Variants in EMSY observed in about 807,000 individuals in gnomAD.
EMSY encodes EMSY transcriptional repressor, BRCA2 interacting, also known as BRCA2-interacting transcriptional repressor EMSY.
EMSY carries 26 observed loss-of-function variants against 134.6 expected under a neutral mutation model. The ratio of observed to expected loss-of-function variants is 0.19; its 90% CI spans 0.14 to 0.27. EMSY has a LOEUF of 0.27. Among genes scored for constraint, EMSY ranks in the 10% least tolerant of loss-of-function variants. The pLI is 1.00. For missense variants in EMSY, 1,305 were observed against 1,611.4 expected (o/e 0.81, Z 3.26); for synonymous variants, 579 against 577.8 (o/e 1.00, Z -0.03).
At chr11:76,510,789 C>G (rs911755826) in intron 9 of EMSY, among the ~76,000 whole-genome samples, 2 of 152,166 alleles carry the variant, frequency 1.3e-5, no homozygotes, top group Non-Finnish European at 2.9e-5. Context: ...AGAAGAAAAC[C>G]TTTCAACTGG....
intron 9 of EMSY, among the ~76,000 whole-genome samples, chr11:76,505,494 A>G (rs1273714987): frequency 6.6e-6 from 1 of 151,342 alleles, no homozygotes; most frequent in Non-Finnish European, 1.5e-5. Context: ...GATAAATACC[A>G]TATTCCAGAT....
chr11:76,456,983 C>T (rs1031206636), intron 4 of EMSY, among the ~76,000 whole-genome samples: 8 of 152,182 alleles, frequency 5.3e-5, no homozygotes, highest in African/African-American at 9.6e-5. Context: ...TTATTAGTTG[C>T]GTGACCTTAG....
rs376191123 is a variant in EMSY at position 76,463,547 on chromosome 11, C to T, written c.572-274C>T. ...CTGAGGCAGGAGAATGGCGTGAACC[C>T]GGGAAGCGGAGCTTGCGGTGAGCCG... On this transcript the variant is annotated intron_variant, in intron 6 of 20. Coordinates refer to ENST00000334736, the Ensembl canonical transcript of EMSY. Among the ~76,000 whole-genome samples the T allele has an allele frequency of 1.0e-2, 1,490 of 149,272 alleles. 27 individuals are homozygous for T. The highest frequency in any genetic ancestry group is 0.035 in the African/African-American group (1,411 of 40,288).
chr11:76,482,398 A>G (rs1178794962), intron 8 of EMSY, among the ~76,000 whole-genome samples: 1 of 152,232 alleles, frequency 6.6e-6, no homozygotes, highest in Non-Finnish European at 1.5e-5. Context: ...ACAGAGAATG[A>G]GTTTGATGAA....
chr11:76,523,372 T>C (rs962920097), intron 12 of EMSY, 81 bp downstream of exon 13: 2 of 1,476,622 alleles, frequency 1.4e-6, no homozygotes, highest in African/African-American at 1.4e-5. Flanking sequence ...CACAAGGACT[T>C]GAGAAGCCCA....
intron 1 of EMSY, among the ~76,000 whole-genome samples, chr11:76,445,374 G>T (rs1445787882): frequency 6.6e-6 from 1 of 152,154 alleles, no homozygotes; most frequent in Non-Finnish European, 1.5e-5. Context: ...GTATCCGCTG[G>T]CTTACTCTCT....
At position 76,467,893 on chromosome 11, in the gene EMSY, C is replaced by T. The variant is rs1042164002; in HGVS notation, c.831+3813C>T. Among the ~76,000 whole-genome samples, 7 of 151,428 alleles carry T rather than the reference C, an allele frequency of 4.6e-5. No individual in the cohort carries two copies. The East Asian group carries it at 7.8e-4, about 17-fold the overall frequency. ...ACTCGGTAGGCTGAGGCAGGAGAAT[C>T]GCTTGAACCCGGGAGACAGAGGTTG... On this transcript the variant is annotated intron_variant, in intron 7 of 20. Transcript: ENST00000334736.
intron 15 of EMSY, 32 bp downstream of exon 16, chr11:76,536,091 A>T (rs1321255933): frequency 3.5e-6 from 5 of 1,420,582 alleles, no homozygotes; most frequent in Non-Finnish European, 3.7e-6. Context: ...TGAATGAAGC[A>T]TGTTTTCTCT....
chr11:76,541,285 C>T (rs2136669502), intron 17 of EMSY, among the ~76,000 whole-genome samples: 1 of 152,270 alleles, frequency 6.6e-6, no homozygotes, highest in Non-Finnish European at 1.5e-5. Context: ...AGATTGGTTA[C>T]TTCATGGGAC....
At position 76,477,393 on chromosome 11, in the gene EMSY, T is replaced by C. The variant is rs115080750; in HGVS notation, c.1108+4553T>C. Among the ~76,000 whole-genome samples, 636 of 151,910 alleles carry C rather than the reference T, an allele frequency of 4.2e-3. 6 individuals carry two copies. Among genetic ancestry groups the C allele is most frequent in the African/African-American group, 0.015 (609 of 41,536 alleles). ...CCAAAATCAAATCCACAAAATCAGGTATGTTCTGAGAAGTCTGTTTATCTA... is the reference window on the plus strand; with the variant it reads ...CCAAAATCAAATCCACAAAATCAGGCATGTTCTGAGAAGTCTGTTTATCTA... On this transcript the variant is annotated intron_variant, in intron 8 of 20. Coordinates refer to ENST00000334736, the Ensembl canonical transcript of EMSY.
At chr11:76,523,387 A>G in intron 12 of EMSY, 96 bp downstream of exon 13, 1 of 1,388,016 alleles carries the variant, frequency 7.2e-7, no homozygotes, top group South Asian at 1.5e-5. Context: ...AGCCCACAAT[A>G]GCCAGAATGG....
intron 8 of EMSY, among the ~76,000 whole-genome samples, chr11:76,479,632 TTATC>T (rs563038726): frequency 7.1e-4 from 108 of 152,286 alleles, no homozygotes; most frequent in African/African-American, 2.5e-3. Flanking sequence ...GCACTTATGT[TTATC>T]TATAGCACAG....
intron 12 of EMSY, among the ~76,000 whole-genome samples, chr11:76,523,871 C>G (rs1950747465): frequency 6.6e-6 from 1 of 151,398 alleles, no homozygotes; most frequent in East Asian, 1.9e-4. Context: ...AAAGCAAGAC[C>G]CCCACCTCTA....
intron 4 of EMSY, among the ~76,000 whole-genome samples, chr11:76,457,788 TTTAAAA>T (rs1364296984): frequency 6.6e-6 from 1 of 152,224 alleles, no homozygotes; most frequent in Non-Finnish European, 1.5e-5. Flanking sequence ...AAATCTGACT[TTTAAAA>T]TTATAAGTGC....
exon 15 of EMSY, chr11:76,535,963 G>A (rs1951209951): frequency 6.9e-6 from 11 of 1,604,194 alleles, no homozygotes; most frequent in African/African-American, 1.3e-5. Context: ...GATTGCAATG[G>A]AGACTAGCCC....
chr11:76,450,178 G>T (rs987994186), intron 2 of EMSY, among the ~76,000 whole-genome samples: 1 of 151,546 alleles, frequency 6.6e-6, no homozygotes, highest in Admixed American at 6.6e-5. Flanking sequence ...CAGGATTAGC[G>T]CACCATTTGG....
At chr11:76,472,812 A>G (rs1565291753) in exon 8 of EMSY, 8 of 1,614,116 alleles carry the variant, frequency 5.0e-6, no homozygotes, top group African/African-American at 1.3e-5. Flanking sequence ...CCTCTACACC[A>G]TCTGTGGTCA....
rs576182908 is a variant in EMSY at position 76,476,870 on chromosome 11, T to G, written c.1108+4030T>G. Among the ~76,000 whole-genome samples the G allele has an allele frequency of 5.3e-5, 8 of 152,310 alleles. No homozygotes were observed. In the South Asian group the frequency reaches 1.7e-3, roughly 32 times the overall value. ...GTCATTACTACTGTATTGGTCATTG[T>G]TTCTGCATTTTATTGGTGGATAGAG... On this transcript the variant is annotated intron_variant, in intron 8 of 20. Transcript: ENST00000334736.
intron 6 of EMSY, chr11:76,460,330 T>C: frequency 2.7e-6 from 1 of 365,242 alleles, no homozygotes; most frequent in Non-Finnish European, 4.9e-6. Context: ...TTGAACTGTG[T>C]TATCCTTAAG....
Sources: gnomAD v4.1 joint callset for allele counts (sites outside exome capture counted in the v4.1 genomes callset) on GRCh38, gnomAD v4.1.1 for gene constraint, MANE v1.5 for transcripts, NCBI Gene and HGNC (gene_info 2026-07-23, HGNC 2026-07-21) for gene names.